ABLIM1: variants seen among roughly 807,000 people sequenced by gnomAD.
ABLIM1 encodes the protein actin binding LIM protein 1.
ABLIM1 carries 40 observed loss-of-function variants against 107.0 expected under a neutral mutation model. The observed-to-expected ratio is 0.37, with a 90% confidence interval of 0.29 to 0.49. ABLIM1 has a LOEUF of 0.49. Among genes scored for constraint, ABLIM1 ranks in the 20% least tolerant of loss-of-function variants. The pLI is 0.97. For synonymous variants in ABLIM1, 357 were observed against 357.3 expected (o/e 1.00, Z 0.01); for missense variants, 857 against 1,008.5 (o/e 0.85, Z 2.04).
rs543625528 is a variant in ABLIM1 at position 114,762,702 on chromosome 10, T to C, written c.-213+5359A>G. On this transcript the variant is annotated intron_variant, in intron 1 of 15. Coordinates refer to the ABLIM1 transcript ENST00000651092. Reference sequence around the variant, plus strand: ...TGTTCTATGATTTTTTCTCTGCTTGTGGAACACACACATATGCACACATAG... The same window carrying C: ...TGTTCTATGATTTTTTCTCTGCTTGCGGAACACACACATATGCACACATAG... Among the ~76,000 whole-genome samples, 4 of 152,350 alleles carry C rather than the reference T, an allele frequency of 2.6e-5. No individual in the cohort carries two copies. The East Asian group carries it at 5.8e-4, about 22-fold the overall frequency.
chr10:114,714,743 A>G (rs530134500), intron 1 of ABLIM1, among the ~76,000 whole-genome samples: 29 of 152,396 alleles, frequency 1.9e-4, no homozygotes, highest in African/African-American at 6.2e-4. Context: ...ATTATGGTAT[A>G]TAAACTACAG....
rs2062237638 is a variant in ABLIM1, at chr10:114,513,407, T to C, written c.895-21529A>G. Among the ~76,000 whole-genome samples the C allele has an allele frequency of 6.6e-5, 10 of 152,090 alleles. 2 individuals are homozygous for C. In the South Asian group the frequency reaches 2.1e-3, roughly 32 times the overall value. On this transcript the variant is annotated intron_variant, in intron 6 of 22. Coordinates refer to ENST00000533213, the MANE Select transcript of ABLIM1 (RefSeq NM_002313.7). ...TAACAGCCAGTATTCTACCACCTCT[T>C]AAATCAAGCAAAAACATTTATCACA... is the stretch of plus-strand genomic sequence containing the variant.
At chr10:114,628,672 C>A (rs2077976013) in intron 1 of ABLIM1, among the ~76,000 whole-genome samples, 1 of 152,162 alleles carries the variant, frequency 6.6e-6, no homozygotes, top group Non-Finnish European at 1.5e-5. Context: ...TTCTATTTAC[C>A]TTGAAGTTTG....
At chr10:114,523,110 C>A (rs1046615225) in intron 6 of ABLIM1, among the ~76,000 whole-genome samples, 2 of 152,076 alleles carry the variant, frequency 1.3e-5, no homozygotes, top group Non-Finnish European at 2.9e-5. Context: ...AAGATTGCAC[C>A]ACTGCACTCC....
Position 114,457,052 on chromosome 10 carries a change from C to A in ABLIM1, c.1442-3569G>T, listed in dbSNP as rs140017414. ...AGGTAAAGAGAGACCCAATAACACA[C>A]CCATCTCAGCAATTCTGCAGAATGT... is the stretch of plus-strand genomic sequence containing the variant. On this transcript the variant is annotated intron_variant, in intron 12 of 22. Transcript: ENST00000533213. 3.1e-3 allele frequency among the ~76,000 whole-genome samples: 472 copies of A among 152,192 alleles called. 2 individuals carry two copies. The highest frequency in any genetic ancestry group is 0.011 in the African/African-American group (453 of 41,534).
intron 6 of ABLIM1, chr10:114,502,282 GT>G: frequency 6.0e-6 from 1 of 167,368 alleles, no homozygotes; most frequent in South Asian, 1.6e-4. Flanking sequence ...TTCCTTGGGA[GT>G]TAGCTGAATC....
At chr10:114,600,444 T>A (rs2075867340) in intron 2 of ABLIM1, among the ~76,000 whole-genome samples, 2 of 152,170 alleles carry the variant, frequency 1.3e-5, no homozygotes, top group Non-Finnish European at 2.9e-5. Context: ...CATGCTAGTG[T>A]TCTTTCTCCT....
rs138980668 is a variant in ABLIM1 at position 114,657,790 on chromosome 10, C to T, written c.244+167G>A. The stretch of plus-strand genomic sequence containing the variant: ...CTTGGGATTTAGCTCCGTAGCTACA[C>T]TTATGTTACATTCTCCATCTCTCCC... On this transcript the variant is annotated intron_variant, in intron 1 of 22. Coordinates refer to ENST00000533213, the MANE Select transcript of ABLIM1 (RefSeq NM_002313.7). 4.6e-3 allele frequency among the ~76,000 whole-genome samples: 697 copies of T among 152,336 alleles called. 1 individual carries two copies. The highest frequency in any genetic ancestry group is 7.4e-3 in the Non-Finnish European group (503 of 68,032).
chr10:114,698,825 A>G (rs543208153), intron 1 of ABLIM1, among the ~76,000 whole-genome samples: 1 of 152,292 alleles, frequency 6.6e-6, no homozygotes, highest in East Asian at 1.9e-4. Context: ...ACCCTTACTG[A>G]AAAAAATTAC....
chr10:114,630,298 C>G (rs1399633883), intron 1 of ABLIM1, among the ~76,000 whole-genome samples: 1 of 152,112 alleles, frequency 6.6e-6, no homozygotes, highest in African/African-American at 2.4e-5. Flanking sequence ...AGAGGAGTGC[C>G]ATGTCATAGT....
intron 1 of ABLIM1, chr10:114,615,581 C>T (rs749778393): frequency 2.1e-6 from 1 of 470,812 alleles, no homozygotes; most frequent in South Asian, 1.5e-5. Context: ...GGTCTGGCAC[C>T]ATTGTATGCA....
chr10:114,786,416 T>A, the ABLIM1 span, among the ~76,000 whole-genome samples: 1 of 152,182 alleles, frequency 6.6e-6, no homozygotes, highest in African/African-American at 2.4e-5. Flanking sequence ...GAATATTCGA[T>A]AGTAAGTTGT....
At chr10:114,682,169 C>T (rs1030055555) in intron 1 of ABLIM1, among the ~76,000 whole-genome samples, 5 of 152,164 alleles carry the variant, frequency 3.3e-5, no homozygotes, top group Admixed American at 1.3e-4. Context: ...ATAAAATTAA[C>T]GGCTGACTAT....
At chr10:114,530,792 C>G (rs1353662107) in intron 6 of ABLIM1, among the ~76,000 whole-genome samples, 1 of 152,182 alleles carries the variant, frequency 6.6e-6, no homozygotes, top group Non-Finnish European at 1.5e-5. Context: ...CCTCAGCCTC[C>G]CAAAGTGCTG....
upstream of ABLIM1, among the ~76,000 whole-genome samples, chr10:114,768,429 G>T (rs1052139425): frequency 3.3e-5 from 5 of 151,690 alleles, no homozygotes; most frequent in African/African-American, 2.4e-5. Context: ...CCCTCTCCCC[G>T]CCCGTCTTCT....
chr10:114,459,067 C>T (rs1410893759), intron 12 of ABLIM1, among the ~76,000 whole-genome samples: 4 of 152,214 alleles, frequency 2.6e-5, no homozygotes, highest in South Asian at 4.1e-4. Flanking sequence ...ACCATGCAGG[C>T]GTCCTCAGCT....
chr10:114,698,154 T>C (rs1425922031), intron 1 of ABLIM1, among the ~76,000 whole-genome samples: 2 of 151,154 alleles, frequency 1.3e-5, no homozygotes, highest in African/African-American at 2.4e-5. Flanking sequence ...CTAGAGAAAA[T>C]AGATAATTTA....
At chr10:114,622,827 C>T (rs1248142971) in intron 1 of ABLIM1, among the ~76,000 whole-genome samples, 1 of 152,132 alleles carries the variant, frequency 6.6e-6, no homozygotes. Context: ...TCTACTTCCA[C>T]CAAATGAACA....
chr10:114,687,045 C>T (rs969202441), upstream of ABLIM1, among the ~76,000 whole-genome samples: 10 of 152,206 alleles, frequency 6.6e-5, no homozygotes, highest in African/African-American at 2.2e-4. Context: ...TTCCCAACCA[C>T]GCTTCTAGAA....
Sources: gnomAD v4.1 joint callset for allele counts (sites outside exome capture counted in the v4.1 genomes callset) on GRCh38, gnomAD v4.1.1 for gene constraint, MANE v1.5 for transcripts, NCBI Gene and HGNC (gene_info 2026-07-23, HGNC 2026-07-21) for gene names.